The following TIAM1 variants were observed in gnomAD, a reference collection of about 807,000 sequenced individuals.
The protein encoded by TIAM1 is rho guanine nucleotide exchange factor TIAM1.
TIAM1 carries 65 observed loss-of-function variants against 163.5 expected under a neutral mutation model. The observed-to-expected ratio is 0.40, with a 90% CI of 0.33 to 0.49. TIAM1 has a LOEUF of 0.49. Ranked by LOEUF, TIAM1 falls within the 20% of genes least tolerant of loss-of-function variation. The pLI is 0.77. For synonymous variants in TIAM1, 833 were observed against 810.1 expected (o/e 1.03, Z -0.48); for missense variants, 1,789 against 2,044.7 (o/e 0.87, Z 2.41).
At chr21:31,446,309 T>C in intron 2 of TIAM1, among the ~76,000 whole-genome samples, 1 of 152,160 alleles carries the variant, frequency 6.6e-6, no homozygotes, top group East Asian at 1.9e-4. Flanking sequence ...AGAAGCAAGC[T>C]CTAGTTGCTT....
intron 20 of TIAM1, among the ~76,000 whole-genome samples, chr21:31,142,230 A>G (rs905992208): frequency 6.6e-6 from 1 of 152,072 alleles, no homozygotes; most frequent in African/African-American, 2.4e-5. Context: ...TGGCCCTGTC[A>G]TCCCAAAATA....
intron 8 of TIAM1, among the ~76,000 whole-genome samples, chr21:31,222,150 C>T (rs1320687932): frequency 1.3e-5 from 2 of 152,126 alleles, no homozygotes; most frequent in Admixed American, 6.6e-5. Flanking sequence ...ATAAAGAATA[C>T]AAACGCCTCT....
chr21:31,169,993 G>A (rs552362203), intron 15 of TIAM1, among the ~76,000 whole-genome samples: 128 of 151,970 alleles, frequency 8.4e-4, no homozygotes, highest in African/African-American at 2.4e-3. Context: ...GACAGGAAAG[G>A]AAAAGAAAAA....
intron 27 of TIAM1, among the ~76,000 whole-genome samples, chr21:31,122,619 A>G (rs1341714514): frequency 6.6e-6 from 1 of 152,204 alleles, no homozygotes; most frequent in Admixed American, 6.5e-5. Context: ...CATTTTCATA[A>G]GAAAATAGAT....
chr21:31,308,683 G>C (rs948376741), intron 2 of TIAM1, among the ~76,000 whole-genome samples: 1 of 152,164 alleles, frequency 6.6e-6, no homozygotes, highest in Non-Finnish European at 1.5e-5. Flanking sequence ...GGAAGGGGAT[G>C]CAATGTGTGT....
At chr21:31,456,126 G>A (rs943321487) in intron 2 of TIAM1, among the ~76,000 whole-genome samples, 1 of 152,200 alleles carries the variant, frequency 6.6e-6, no homozygotes, top group Non-Finnish European at 1.5e-5. Context: ...GGTTCCAGAA[G>A]GGGGTTGTTG....
intron 2 of TIAM1, among the ~76,000 whole-genome samples, chr21:31,358,374 A>C (rs767386667): frequency 1.3e-4 from 20 of 151,054 alleles, no homozygotes; most frequent in Non-Finnish European, 2.8e-4. Context: ...TCAACCTACA[A>C]CTCTTGGAGA....
chr21:31,381,718 G>C (rs1484413366), intron 2 of TIAM1, among the ~76,000 whole-genome samples: 1 of 152,112 alleles, frequency 6.6e-6, no homozygotes, highest in South Asian at 2.1e-4. Context: ...TGTAGTCCCA[G>C]CTATTTGGGA....
chr21:31,174,590 C>T (rs566087919), intron 15 of TIAM1, among the ~76,000 whole-genome samples: 12 of 152,338 alleles, frequency 7.9e-5, no homozygotes, highest in Admixed American at 2.0e-4. Context: ...ATTTTTTGAA[C>T]AAGAAGCAGC....
intron 16 of TIAM1, among the ~76,000 whole-genome samples, chr21:31,159,737 CACA>C (rs2083809908): frequency 1.3e-5 from 2 of 152,352 alleles, no homozygotes; most frequent in South Asian, 4.1e-4. Context: ...GATTAAATGA[CACA>C]ACATCTAATA....
At chr21:31,453,097 A>G (rs2044933463) in intron 2 of TIAM1, 5 of 346,850 alleles carry the variant, frequency 1.4e-5, no homozygotes, top group South Asian at 1.2e-4. Context: ...GAGGATAAAG[A>G]AGGAGGAACC....
rs1373379916 is a variant in TIAM1, at chr21:31,223,550, G to A, written c.1851C>T (p.Asp617=). Residue 617 remains aspartate (D), a synonymous_variant, in exon 8 of 28, where the codon GAC becomes GAT. Transcript: ENST00000541036. ...CTAAATAACAGCGGAAACGAAACAG[G>A]TCCATTTGGAACTGCTCGAGATTTT... ...WEQNLEQFQM[D]LFRFRCYLAS... is the part of the protein sequence containing the mutation. 6 of 1,612,596 alleles carry A rather than the reference G, an allele frequency of 3.7e-6. No individual in the cohort carries two copies. The highest frequency in any genetic ancestry group is 3.3e-4 in the Middle Eastern group (2 of 6,080).
chr21:31,478,704 A>C (rs2046013527), intron 1 of TIAM1, among the ~76,000 whole-genome samples: 1 of 152,216 alleles, frequency 6.6e-6, no homozygotes, highest in Non-Finnish European at 1.5e-5. Flanking sequence ...CAATTTAAAG[A>C]CCACCAAAAC....
At chr21:31,476,097 A>C (rs752023480) in intron 1 of TIAM1, among the ~76,000 whole-genome samples, 4 of 152,220 alleles carry the variant, frequency 2.6e-5, no homozygotes, top group Non-Finnish European at 5.9e-5. Context: ...GGACAAACGA[A>C]ATATCTGCCA....
At chr21:31,284,339 T>C (rs1429346888) in intron 2 of TIAM1, among the ~76,000 whole-genome samples, 1 of 152,180 alleles carries the variant, frequency 6.6e-6, no homozygotes, top group African/African-American at 2.4e-5. Context: ...TTTTCCAAAA[T>C]TGAGCCACCC....
At chr21:31,437,080 A>G (rs1292514912) in intron 2 of TIAM1, among the ~76,000 whole-genome samples, 7 of 152,234 alleles carry the variant, frequency 4.6e-5, no homozygotes, top group Admixed American at 4.6e-4. Flanking sequence ...AAATTTGGTA[A>G]AATATCACAT....
chr21:31,539,839 T>C (rs2123267593), intron 1 of TIAM1, among the ~76,000 whole-genome samples: 1 of 152,230 alleles, frequency 6.6e-6, no homozygotes, highest in Middle Eastern at 3.4e-3. Context: ...ATTTTTCATC[T>C]GTAAAATGGG....
intron 1 of TIAM1, among the ~76,000 whole-genome samples, chr21:31,553,363 G>C (rs1382647895): frequency 2.6e-5 from 4 of 152,192 alleles, no homozygotes; most frequent in African/African-American, 9.7e-5. Flanking sequence ...TGAGGAGATG[G>C]AGATGCACAT....
chr21:31,320,130 CAT>C (rs1181598626), intron 2 of TIAM1, among the ~76,000 whole-genome samples: 2 of 151,914 alleles, frequency 1.3e-5, no homozygotes, highest in Admixed American at 1.3e-4. Flanking sequence ...ATAAAAGATA[CAT>C]ATATATATCA....
Sources: gnomAD v4.1 joint callset for allele counts (sites outside exome capture counted in the v4.1 genomes callset) on GRCh38, gnomAD v4.1.1 for gene constraint, MANE v1.5 for transcripts, NCBI Gene and HGNC (gene_info 2026-07-23, HGNC 2026-07-21) for gene names.